Variants in TBC1D19 observed in about 807,000 individuals in gnomAD.
The protein encoded by TBC1D19 is TBC1 domain family member 19.
Under a neutral mutation model 89.0 loss-of-function variants are expected in TBC1D19, and 60 were observed. The ratio of observed to expected loss-of-function variants is 0.67; its 90% CI spans 0.55 to 0.84. The LOEUF (loss-of-function observed/expected upper bound fraction) is 0.84, where lower values mean the gene tolerates loss of function less well. TBC1D19 is among the 40% of genes least tolerant of loss of function. The pLI is 0.00. For missense variants in TBC1D19, 500 were observed against 610.8 expected (o/e 0.82, Z 1.91); for synonymous variants, 189 against 199.7 (o/e 0.95, Z 0.45).
intron 9 of TBC1D19, among the ~76,000 whole-genome samples, chr4:26,668,200 A>G (rs1354464246): frequency 2.0e-5 from 3 of 151,940 alleles, no homozygotes; most frequent in African/African-American, 7.2e-5. Context: ...TACTTTTATT[A>G]ATGGCAAATG....
At chr4:26,658,412 T>C (rs576276686) in intron 7 of TBC1D19, among the ~76,000 whole-genome samples, 2 of 152,272 alleles carry the variant, frequency 1.3e-5, no homozygotes, top group South Asian at 4.1e-4. Context: ...TGTGGTGTTG[T>C]TTTGGTGGCC....
chr4:26,792,164 ACT>A, the TBC1D19 span, among the ~76,000 whole-genome samples: 1 of 150,606 alleles, frequency 6.6e-6, no homozygotes, highest in Non-Finnish European at 1.5e-5. Context: ...CTAAGAATAA[ACT>A]CTTTTTTTTT....
the TBC1D19 span, among the ~76,000 whole-genome samples, chr4:26,810,082 A>G: frequency 1.2e-4 from 19 of 152,166 alleles, no homozygotes; most frequent in Non-Finnish European, 1.8e-4. Flanking sequence ...TGGGGAATAC[A>G]TGCCCCTGAG....
chr4:26,805,861 A>G, the TBC1D19 span, among the ~76,000 whole-genome samples: 1 of 152,104 alleles, frequency 6.6e-6, no homozygotes, highest in East Asian at 1.9e-4. Context: ...ATTAGCCAGG[A>G]GTGCTGGCGT....
Position 26,755,042 on chromosome 4 carries a change from A to C in TBC1D19, c.*95A>C. 2 of 1,090,284 alleles carry C rather than the reference A, an allele frequency of 1.8e-6. No homozygotes were observed. Among genetic ancestry groups the C allele is most frequent in the Non-Finnish European group, 2.6e-6 (2 of 770,910 alleles). 67.5% of individuals were successfully genotyped at this position (1,090,284 alleles called of 1,614,324 possible). On this transcript the variant is annotated 3_prime_UTR_variant, in exon 21 of 21. Transcript: ENST00000264866. ...GCATAAAACCAAAATGAAACTTTGC[A>C]TATAAGCCAATAAAGATCATGTTCC...
the TBC1D19 span, among the ~76,000 whole-genome samples, chr4:26,796,630 C>A: frequency 6.6e-6 from 1 of 152,120 alleles, no homozygotes; most frequent in South Asian, 2.1e-4. Context: ...GCCTAGGAGA[C>A]CAAGGCTGCA....
chr4:26,854,188 GAC>G, the TBC1D19 span, among the ~76,000 whole-genome samples: 1 of 152,170 alleles, frequency 6.6e-6, no homozygotes, highest in Non-Finnish European at 1.5e-5. Context: ...CTATACCAGA[GAC>G]TGTGGAACCA....
chr4:26,587,531 C>A lies in TBC1D19; in HGVS notation c.99+3239C>A, dbSNP rs567120185. Among the ~76,000 whole-genome samples, 3 of 147,944 alleles carry A rather than the reference C, an allele frequency of 2.0e-5. No individual in the cohort carries two copies. In the Admixed American group the frequency reaches 2.0e-4, roughly 10 times the overall value. ...AGCAGAGGTTGCAGTGAGCAGAGAT[C>A]GCACCACTGCACTTCAGCCTGGGTG... On this transcript the variant is annotated intron_variant, in intron 1 of 20. Transcript: ENST00000264866.
rs1260541079 is a variant in TBC1D19, at chr4:26,637,193, T to C, written c.295-18T>C. On this transcript the variant is annotated intron_variant, in intron 4 of 20. Coordinates refer to ENST00000264866, the MANE Select transcript of TBC1D19 (RefSeq NM_018317.4). ...TATTGTTACTGGAAAAGATAATTGA[T>C]TGTTTTTTATGTTTCAGGGAAGTTG... 1 of 1,557,978 alleles carries C rather than the reference T, an allele frequency of 6.4e-7. No individual in the cohort carries two copies. Among genetic ancestry groups the C allele is most frequent in the Non-Finnish European group, 8.8e-7 (1 of 1,135,598 alleles).
At chr4:26,685,165 A>G (rs1245875383) in intron 12 of TBC1D19, among the ~76,000 whole-genome samples, 1 of 152,218 alleles carries the variant, frequency 6.6e-6, no homozygotes, top group African/African-American at 2.4e-5. Flanking sequence ...AAATGCTAAA[A>G]TAATGCAAGT....
In TBC1D19 at chr4:26,637,534, G is replaced by A. The variant is rs1006005365; in HGVS notation, c.369+249G>A. Among the ~76,000 whole-genome samples the A allele has an allele frequency of 2.6e-5, 4 of 152,022 alleles. No homozygotes were observed. The South Asian group carries it at 6.2e-4, about 24-fold the overall frequency. Reference sequence around the variant, plus strand: ...CTACAGGCACCCGCCACCAGGTCTGGCTAATTTTTTTGTATTTTTGATAGA... The same window carrying A: ...CTACAGGCACCCGCCACCAGGTCTGACTAATTTTTTTGTATTTTTGATAGA... On this transcript the variant is annotated intron_variant, in intron 5 of 20. Transcript: ENST00000264866.
the TBC1D19 span, among the ~76,000 whole-genome samples, chr4:26,767,501 C>G: frequency 6.6e-6 from 1 of 152,120 alleles, no homozygotes. Flanking sequence ...GAGAGGTAAT[C>G]AAGTCATCAG....
At chr4:26,817,118 CT>C in the TBC1D19 span, among the ~76,000 whole-genome samples, 2 of 152,152 alleles carry the variant, frequency 1.3e-5, no homozygotes, top group South Asian at 2.1e-4. Flanking sequence ...GACCTCTTGT[CT>C]TTGACCTTTC....
chr4:26,676,167 T>C (rs920258090), intron 11 of TBC1D19, among the ~76,000 whole-genome samples: 1 of 152,204 alleles, frequency 6.6e-6, no homozygotes, highest in African/African-American at 2.4e-5. Flanking sequence ...GGAAGGTTCT[T>C]ACAACCTTAC....
At chr4:26,836,608 A>C in the TBC1D19 span, among the ~76,000 whole-genome samples, 1 of 152,216 alleles carries the variant, frequency 6.6e-6, no homozygotes, top group Admixed American at 6.5e-5. Context: ...GTCCAGAGGA[A>C]AATCCAAAGG....
chr4:26,701,964 A>G (rs1715368183), intron 13 of TBC1D19, among the ~76,000 whole-genome samples: 1 of 152,198 alleles, frequency 6.6e-6, no homozygotes, highest in African/African-American at 2.4e-5. Context: ...TAGAGAGAGT[A>G]TACATTTGAG....
At chr4:26,746,601 A>G (rs899941913) in intron 18 of TBC1D19, among the ~76,000 whole-genome samples, 3 of 152,142 alleles carry the variant, frequency 2.0e-5, no homozygotes, top group Non-Finnish European at 2.9e-5. Flanking sequence ...AATTTCTGCT[A>G]TACTGTAGTT....
At chr4:26,745,552 G>A (rs1411230462) in intron 18 of TBC1D19, among the ~76,000 whole-genome samples, 25 of 121,520 alleles carry the variant, frequency 2.1e-4, no homozygotes, top group Non-Finnish European at 6.4e-5. Context: ...CTGTCACCCA[G>A]GCTGGAGTGC....
chr4:26,843,158 A>G, the TBC1D19 span, among the ~76,000 whole-genome samples: 5 of 152,334 alleles, frequency 3.3e-5, no homozygotes, highest in South Asian at 1.0e-3. Context: ...CCAGAAACAT[A>G]AAACATAACT....
Sources: allele counts gnomAD v4.1 joint callset (sites outside exome capture counted in the v4.1 genomes callset), GRCh38; gene constraint gnomAD v4.1.1; transcripts MANE v1.5; gene names NCBI Gene and HGNC (gene_info 2026-07-23, HGNC 2026-07-21).